CLEC16A: variants seen among roughly 807,000 people sequenced by gnomAD.
CLEC16A encodes C-type lectin domain containing 16A.
A neutral mutation model predicts 109.5 loss-of-function variants in CLEC16A; 51 were observed. The ratio of observed to expected loss-of-function variants is 0.47; its 90% CI spans 0.37 to 0.59. The LOEUF (loss-of-function observed/expected upper bound fraction) is 0.59, where lower values mean the gene tolerates loss of function less well. Among genes scored for constraint, CLEC16A ranks in the 20% least tolerant of loss-of-function variants. The probability of loss-of-function intolerance (pLI) is 0.00; values close to 1 mark genes in which losing one functional copy is unlikely to be tolerated. For missense variants in CLEC16A, 1,339 were observed against 1,394.0 expected, an observed-to-expected ratio of 0.96 and a Z score of 0.63; for synonymous variants, 673 against 564.2, an observed-to-expected ratio of 1.19 and a Z score of -2.73.
At chr16:11,019,778 A>G (rs895399474) in intron 11 of CLEC16A, among the ~76,000 whole-genome samples, 23 of 152,108 alleles carry the variant, frequency 1.5e-4, no homozygotes, top group African/African-American at 5.6e-4. Context: ...TCAAAAAAAA[A>G]AAAAAAAAAA....
chr16:11,163,065 A>G (rs899914951), intron 22 of CLEC16A, among the ~76,000 whole-genome samples: 1 of 152,124 alleles, frequency 6.6e-6, no homozygotes, highest in African/African-American at 2.4e-5. Flanking sequence ...GTTTGCACCT[A>G]CTTCGCAGCC....
Position 11,039,904 on chromosome 16 carries a change from C to T in CLEC16A, c.1660+28C>T, listed in dbSNP as rs372366925. 13 of 1,606,442 alleles carry T rather than the reference C, an allele frequency of 8.1e-6. No homozygotes were observed. The African/African-American group carries it at 1.5e-4, about 18-fold the overall frequency. On this transcript the variant is annotated intron_variant, in intron 14 of 23. Coordinates refer to ENST00000409790, the MANE Select transcript of CLEC16A (RefSeq NM_015226.3). ...GCCCACTTGGGGTGTTGTCTGTCCA[C>T]AGGGCCACGCAGTTGTAGGAAGCAG... is the stretch of plus-strand genomic sequence containing the variant.
intron 19 of CLEC16A, among the ~76,000 whole-genome samples, chr16:11,095,097 T>C (rs1039613655): frequency 5.9e-5 from 9 of 152,178 alleles, no homozygotes; most frequent in African/African-American, 2.2e-4. Context: ...TTTTTTCTTT[T>C]TTTTTTTAAG....
rs757448042 is a variant in CLEC16A, at chr16:11,020,278, G to A, written c.1389G>A (p.Glu463=). ...TGCAGGAGCAGAACACCACGGACGA[G>A]GAGAAAAGCGCCGCCGCCACCTGCT... The part of the protein sequence containing the change: ...TSVQEQNTTD[E]EKSAAATCSE... Residue 463 remains glutamate, a synonymous_variant, in exon 12 of 24, where the codon GAG becomes GAA. Coordinates refer to ENST00000409790, the MANE Select transcript of CLEC16A (RefSeq NM_015226.3). 5 of 1,613,682 alleles carry A rather than the reference G, an allele frequency of 3.1e-6. No homozygotes were observed. In the East Asian group the frequency reaches 1.1e-4, roughly 36 times the overall value.
intron 22 of CLEC16A, among the ~76,000 whole-genome samples, chr16:11,134,498 T>A (rs35732840): frequency 2.0e-5 from 3 of 151,920 alleles, no homozygotes; most frequent in Admixed American, 6.6e-5. Context: ...CTCCCCTTCC[T>A]GCCTCTAAAT....
chr16:10,957,777 C>A lies in CLEC16A; in HGVS notation c.81-5C>A. ...TTTAATTTCCTTTTCTCTCATTTCTCTCAGGTATCTGTACCACGTTTTGAC... is the reference window on the plus strand; with the variant it reads ...TTTAATTTCCTTTTCTCTCATTTCTATCAGGTATCTGTACCACGTTTTGAC... On this transcript the variant is annotated splice_polypyrimidine_tract_variant and splice_region_variant and intron_variant, in intron 1 of 23. Coordinates refer to ENST00000409790, the MANE Select transcript of CLEC16A (RefSeq NM_015226.3). 2 of 1,613,820 alleles carry A rather than the reference C, an allele frequency of 1.2e-6. No homozygotes were observed. Among genetic ancestry groups the A allele is most frequent in the Non-Finnish European group, 1.7e-6 (2 of 1,179,770 alleles).
At chr16:10,987,579 A>C (rs1335090100) in intron 10 of CLEC16A, among the ~76,000 whole-genome samples, 1 of 152,168 alleles carries the variant, frequency 6.6e-6, no homozygotes, top group African/African-American at 2.4e-5. Flanking sequence ...GCTAGCCCAC[A>C]TGTGTCGGCT....
intron 22 of CLEC16A, among the ~76,000 whole-genome samples, chr16:11,129,762 CT>C (rs34035128): frequency 0.29 from 36,694 of 125,168 alleles, 5,457 homozygotes; most frequent in African/African-American, 0.52. Context: ...GGCCTGGTTC[CT>C]TTTTTTTTTT....
rs536185391 is a variant in CLEC16A, at chr16:11,133,495, A to C, written c.2641+7349A>C. 1.4e-4 allele frequency among the ~76,000 whole-genome samples: 22 copies of C among 152,304 alleles called. No individual in the cohort carries two copies. In the East Asian group the frequency reaches 3.9e-3, roughly 27 times the overall value. On this transcript the variant is annotated intron_variant, in intron 22 of 23. Transcript: ENST00000409790. ...TCCGTGGAAAAGCCTCGCCGGTTCCAGAGGCAGCCCTTGGCAGCTGAGTAA... is the reference window on the plus strand; with the variant it reads ...TCCGTGGAAAAGCCTCGCCGGTTCCCGAGGCAGCCCTTGGCAGCTGAGTAA...
At chr16:11,100,324 C>G (rs771455201) in intron 19 of CLEC16A, among the ~76,000 whole-genome samples, 9 of 152,198 alleles carry the variant, frequency 5.9e-5, no homozygotes, top group Non-Finnish European at 1.0e-4. Flanking sequence ...TCTCCGCCTG[C>G]TGGTGGATTT....
chr16:11,093,779 A>G (rs1364531178), intron 19 of CLEC16A, among the ~76,000 whole-genome samples: 1 of 152,184 alleles, frequency 6.6e-6, no homozygotes, highest in African/African-American at 2.4e-5. Context: ...GCTGAAGGAC[A>G]GGAAAGTGGG....
intron 11 of CLEC16A, among the ~76,000 whole-genome samples, chr16:11,013,938 C>CA (rs1202787620): frequency 6.6e-6 from 1 of 150,998 alleles, no homozygotes; most frequent in Non-Finnish European, 1.5e-5. Context: ...GACTCTGTCT[C>CA]AAAAAAAAGA....
At chr16:11,108,250 A>G (rs1165398469) in intron 19 of CLEC16A, among the ~76,000 whole-genome samples, 1 of 152,252 alleles carries the variant, frequency 6.6e-6, no homozygotes, top group Non-Finnish European at 1.5e-5. Flanking sequence ...TCTCTCCTGC[A>G]TGCCAGGAAG....
chr16:11,097,733 C>T (rs1006987783), intron 19 of CLEC16A, among the ~76,000 whole-genome samples: 1 of 152,176 alleles, frequency 6.6e-6, no homozygotes, highest in Non-Finnish European at 1.5e-5. Flanking sequence ...TATGAATGGC[C>T]TGAAACGTCT....
At chr16:11,002,534 G>A (rs1259114483) in intron 10 of CLEC16A, among the ~76,000 whole-genome samples, 2 of 152,226 alleles carry the variant, frequency 1.3e-5, no homozygotes, top group Admixed American at 6.5e-5. Context: ...GGGTAAAATG[G>A]CAGTGTTGCC....
chr16:11,076,125 C>T (rs1423525630), intron 19 of CLEC16A, among the ~76,000 whole-genome samples: 1 of 152,170 alleles, frequency 6.6e-6, no homozygotes, highest in Non-Finnish European at 1.5e-5. Flanking sequence ...TCTGCCCTTT[C>T]CACACCAACA....
At chr16:11,159,921 C>G (rs1031383911) in intron 22 of CLEC16A, among the ~76,000 whole-genome samples, 1 of 152,160 alleles carries the variant, frequency 6.6e-6, no homozygotes, top group African/African-American at 2.4e-5. Context: ...CCATCTCAAA[C>G]CCTTCCTGGA....
At chr16:11,111,469 T>C (rs1282019310) in intron 19 of CLEC16A, among the ~76,000 whole-genome samples, 1 of 152,180 alleles carries the variant, frequency 6.6e-6, no homozygotes, top group African/African-American at 2.4e-5. Context: ...ATTGGTACTC[T>C]TTTGGTCTAG....
chr16:11,036,157 C>T (rs1019043870), intron 13 of CLEC16A: 1 of 152,424 alleles, frequency 6.6e-6, no homozygotes, highest in Non-Finnish European at 1.5e-5. Flanking sequence ...AATGGAACCA[C>T]CCCAGTCAGC....
Sources: allele counts gnomAD v4.1 joint callset (sites outside exome capture counted in the v4.1 genomes callset), GRCh38; gene constraint gnomAD v4.1.1; transcripts MANE v1.5; gene names NCBI Gene and HGNC (gene_info 2026-07-23, HGNC 2026-07-21).